The following NUP205 variants were observed in gnomAD, a reference collection of about 807,000 sequenced individuals.
NUP205 encodes the protein nucleoporin 205, also known as nuclear pore complex protein Nup205.
In NUP205, 76 loss-of-function variants were observed where a neutral mutation model predicts 253.8. That is an observed-to-expected ratio of 0.30 (90% CI 0.25 to 0.36). The LOEUF is 0.36. NUP205 is among the 10% of genes least tolerant of loss of function. The probability of loss-of-function intolerance (pLI) is 1.00; values close to 1 mark genes in which losing one functional copy is unlikely to be tolerated. For synonymous variants in NUP205, 832 were observed against 850.1 expected, an observed-to-expected ratio of 0.98 and a Z score of 0.37; for missense variants, 2,162 against 2,425.5, an observed-to-expected ratio of 0.89 and a Z score of 2.28.
At chr7:135,564,352 T>C (rs1341878699) in intron 1 of NUP205, among the ~76,000 whole-genome samples, 1 of 150,946 alleles carries the variant, frequency 6.6e-6, no homozygotes, top group Non-Finnish European at 1.5e-5. Context: ...GTTCAAGCAA[T>C]TCTCCTGCCC....
At chr7:135,565,501 C>T (rs947555367) in intron 1 of NUP205, among the ~76,000 whole-genome samples, 6 of 149,262 alleles carry the variant, frequency 4.0e-5, no homozygotes, top group Admixed American at 1.3e-4. Context: ...GGTGTGATCT[C>T]GGCTCACTGC....
rs1794561050 is a variant in NUP205, at chr7:135,625,253, G to A, written c.4569G>A (p.Lys1523=). ...LLYLSNSGYL[K]VLVDSLVEDD... is the part of the protein sequence containing the mutation. ...ATCTTTCTAACAGTGGCTACTTGAA[G>A]GTCCTCGTAGACAGCTTGGTAGAAG... Residue 1523 remains lysine, a synonymous_variant, in exon 32 of 43, where the codon AAG becomes AAA. Coordinates refer to ENST00000285968, the MANE Select transcript of NUP205 (RefSeq NM_015135.3). 8 of 1,614,090 alleles carry A rather than the reference G, an allele frequency of 5.0e-6. No individual in the cohort carries two copies. In the East Asian group the frequency reaches 1.8e-4, roughly 36 times the overall value.
intron 13 of NUP205, 131 bp from the exon 14 acceptor site, chr7:135,597,237 T>C: frequency 1.7e-6 from 1 of 597,908 alleles, no homozygotes; most frequent in Non-Finnish European, 3.0e-6. Flanking sequence ...GACTAATTGA[T>C]TGTCATTTTG....
At chr7:135,591,831 T>C (rs1806638038) in intron 11 of NUP205, among the ~76,000 whole-genome samples, 2 of 152,208 alleles carry the variant, frequency 1.3e-5, no homozygotes, top group South Asian at 4.1e-4. Context: ...ATACAGTTCA[T>C]TTTGACAAAT....
At position 135,619,439 on chromosome 7, in the gene NUP205, C is replaced by T; in HGVS notation, c.3980C>T (p.Ala1327Val). 4 of 1,612,722 alleles carry T rather than the reference C, an allele frequency of 2.5e-6. No individual in the cohort carries two copies. Among genetic ancestry groups the T allele is most frequent in the Non-Finnish European group, 3.4e-6 (4 of 1,179,916 alleles). Reference protein sequence around the residue: ...DVHDKILDDEAAQELMPVVAG... With the variant: ...DVHDKILDDEVAQELMPVVAG... ...TCCTTTAAGATACTGGATGATGAAG[C>T]TGCGCAAGAGTTAATGCCTGTGGTC... Residue 1327 changes from alanine (A) to valine (V), a missense_variant, in exon 29 of 43, where the codon GCT becomes GTT. Ala to Val is a moderately conservative substitution (Grantham distance 64, BLOSUM62 0). This residue lies in a region of NUP205 where 1,144 missense variants were observed against 1,280.9 expected (regional missense o/e 0.89). Coordinates refer to ENST00000285968, the MANE Select transcript of NUP205 (RefSeq NM_015135.3).
chr7:135,589,157 GAGAC>G (rs1287418828), intron 10 of NUP205, among the ~76,000 whole-genome samples: 21 of 148,540 alleles, frequency 1.4e-4, no homozygotes, highest in African/African-American at 5.0e-4. Flanking sequence ...GCAACAGAGT[GAGAC>G]CCTGACTCTT....
At chr7:135,562,278 C>T (rs1805604370) in intron 1 of NUP205, among the ~76,000 whole-genome samples, 1 of 152,062 alleles carries the variant, frequency 6.6e-6, no homozygotes, top group Non-Finnish European at 1.5e-5. Context: ...CTCACTACAA[C>T]CTCTGCCTCC....
intron 35 of NUP205, among the ~76,000 whole-genome samples, chr7:135,632,738 TC>T (rs1794738176): frequency 6.6e-6 from 1 of 152,102 alleles, no homozygotes; most frequent in Non-Finnish European, 1.5e-5. Context: ...CCTTCTTGTC[TC>T]TACTAAGGTC....
intron 28 of NUP205, among the ~76,000 whole-genome samples, chr7:135,619,064 A>G (rs965679082): frequency 1.3e-5 from 2 of 152,138 alleles, no homozygotes; most frequent in Admixed American, 6.6e-5. Context: ...AGCTAAATGT[A>G]TATAAAACTT....
At chr7:135,609,564 C>T (rs1432837657) in intron 22 of NUP205, among the ~76,000 whole-genome samples, 17 of 151,568 alleles carry the variant, frequency 1.1e-4, no homozygotes, top group East Asian at 7.8e-4. Flanking sequence ...AGGAGAATGG[C>T]GTGAACTTGG....
chr7:135,607,186 T>C, intron 21 of NUP205, 61 bp from the exon 22 acceptor site: 1 of 1,588,570 alleles, frequency 6.3e-7, no homozygotes. Context: ...GAAAAGGCAG[T>C]CTAAGATTTT....
chr7:135,621,296 GA>G (rs1318505859), intron 30 of NUP205, among the ~76,000 whole-genome samples: 1 of 152,212 alleles, frequency 6.6e-6, no homozygotes, highest in Non-Finnish European at 1.5e-5. Flanking sequence ...ATAGTTTAGA[GA>G]AGTTTTTTAA....
chr7:135,617,389 A>G, intron 26 of NUP205, 142 bp downstream of exon 26: 1 of 867,868 alleles, frequency 1.2e-6, no homozygotes, highest in African/African-American at 1.7e-5. Context: ...GATTTTTGTA[A>G]AATATCCCTG....
At chr7:135,564,501 G>A (rs183825905) in intron 1 of NUP205, among the ~76,000 whole-genome samples, 34 of 151,126 alleles carry the variant, frequency 2.2e-4, no homozygotes, top group Admixed American at 8.6e-4. Flanking sequence ...TGCCCACCTC[G>A]GCCTCCCAAA....
rs200045614 is a variant in NUP205, at chr7:135,597,379, C to T, written c.2025C>T (p.Thr675=). ...CTTACTATTTTAAGATACTGCAGAC[C>T]GTGAGGATTCCAAGCCAAAGGCAAG... ...QSLEYTQILQ[T]VRIPSQRQAI... The change falls in exon 14 of 43, where the codon ACC becomes ACT. Residue 675 remains threonine (T), a synonymous_variant. Transcript: ENST00000285968. 9.3e-6 allele frequency: 15 copies of T among 1,610,276 alleles called. No individual in the cohort carries two copies. The highest frequency in any genetic ancestry group is 6.7e-5 in the Admixed American group (4 of 59,984).
At chr7:135,627,574 G>A (rs1312962348) in intron 33 of NUP205, among the ~76,000 whole-genome samples, 2 of 152,204 alleles carry the variant, frequency 1.3e-5, no homozygotes, top group African/African-American at 4.8e-5. Context: ...TATACAATGG[G>A]CAGCATAGTG....
At position 135,622,511 on chromosome 7, in the gene NUP205, C is replaced by G. The variant is rs953954216; in HGVS notation, c.4331-266C>G. 2.0e-5 allele frequency among the ~76,000 whole-genome samples: 3 copies of G among 151,692 alleles called. No individual in the cohort carries two copies. The South Asian group carries it at 6.2e-4, about 32-fold the overall frequency. On this transcript the variant is annotated intron_variant, in intron 30 of 42. Transcript: ENST00000285968. ...ATGGAGTCTTGTAATTCATTTTGAT[C>G]TCTTTCAGAATGATTTATCCTTTTC...
In NUP205 at chr7:135,619,815, T is replaced by C; in HGVS notation, c.4257T>C (p.Thr1419=). ...KTGGGFQRVR[T]HLYGSLLYYL... is the part of the protein sequence containing the mutation. ...GTGGTGGATTCCAACGAGTGAGGAC[T>C]CACTTGTATGGCTCTCTGCTTTATT... Residue 1419 remains threonine, a synonymous_variant, in exon 30 of 43, where the codon ACT becomes ACC. Coordinates refer to ENST00000285968, the MANE Select transcript of NUP205 (RefSeq NM_015135.3). The C allele has an allele frequency of 2.5e-6, 4 of 1,613,598 alleles. No homozygotes were observed. The highest frequency in any genetic ancestry group is 3.4e-6 in the Non-Finnish European group (4 of 1,179,774).
chr7:135,567,130 A>ATC (rs1805792596), intron 1 of NUP205, among the ~76,000 whole-genome samples: 1 of 2,426 alleles, frequency 4.1e-4, no homozygotes, highest in South Asian at 0.015. Context: ...CTATGTGTGT[A>ATC]TATATATATA....
Sources: gnomAD v4.1 joint callset for allele counts (sites outside exome capture counted in the v4.1 genomes callset) on GRCh38, gnomAD v4.1.1 for gene constraint, gnomAD v4.1.1 regional missense constraint, MANE v1.5 for transcripts, NCBI Gene and HGNC (gene_info 2026-07-23, HGNC 2026-07-21) for gene names.